PRICKLE1: variants seen among roughly 807,000 people sequenced by gnomAD.
The protein encoded by PRICKLE1 is prickle-like protein 1.
Under a neutral mutation model 70.2 loss-of-function variants are expected in PRICKLE1, and 14 were observed. That is an observed-to-expected ratio of 0.20 (90% CI 0.13 to 0.31). The LOEUF (loss-of-function observed/expected upper bound fraction) is 0.31, where lower values mean the gene tolerates loss of function less well. Among genes scored for constraint, PRICKLE1 ranks in the 10% least tolerant of loss-of-function variants. PRICKLE1 has a pLI of 1.00. For synonymous variants in PRICKLE1, 357 were observed against 379.9 expected (o/e 0.94, Z 0.70); for missense variants, 821 against 1,026.2 (o/e 0.80, Z 2.73).
rs550482887 is a variant in PRICKLE1, at chr12:42,525,910, T to C, written c.-48-53346A>G. ...TGTTGAAATAGATGTCATATGTCATTATGATCAATGGACCAAAATCCATTG... is the reference window on the plus strand; with the variant it reads ...TGTTGAAATAGATGTCATATGTCATCATGATCAATGGACCAAAATCCATTG... On this transcript the variant is annotated intron_variant, in intron 1 of 7. Transcript: ENST00000345127. 6.8e-4 allele frequency among the ~76,000 whole-genome samples: 103 copies of C among 152,286 alleles called. 2 individuals carry two copies. The highest frequency in any genetic ancestry group is 4.2e-3 in the Admixed American group (64 of 15,302).
chr12:42,557,711 T>C (rs993298279), intron 1 of PRICKLE1, among the ~76,000 whole-genome samples: 2 of 152,250 alleles, frequency 1.3e-5, no homozygotes, highest in Non-Finnish European at 2.9e-5. Context: ...CTGAGGTTTC[T>C]GTGGGAGTCA....
At position 42,459,563 on chromosome 12, in the gene PRICKLE1, C is replaced by G. The variant is rs914697108; in HGVS notation, c.*246G>C. On this transcript the variant is annotated 3_prime_UTR_variant, in exon 8 of 8. Transcript: ENST00000345127. ...GGAAAACCAAAGCAGCTACGTCCAT[C>G]TGTAACGCACCCGCACCGGACAGGC... The G allele has an allele frequency of 6.5e-6, 4 of 620,082 alleles. No individual in the cohort carries two copies. Among genetic ancestry groups the G allele is most frequent in the Non-Finnish European group, 1.1e-5 (4 of 350,072 alleles). The allele number at this position is 620,082 out of a possible 1,614,324, so 38.4% of individuals were successfully genotyped here.
At chr12:42,526,843 T>C (rs1278176868) in intron 1 of PRICKLE1, among the ~76,000 whole-genome samples, 4 of 150,894 alleles carry the variant, frequency 2.7e-5, no homozygotes, top group East Asian at 2.0e-4. Flanking sequence ...ATGACGACGA[T>C]GATGATGATG....
At chr12:42,561,345 TTTTCTGACC>T (rs1376766390) in intron 1 of PRICKLE1, among the ~76,000 whole-genome samples, 1 of 152,188 alleles carries the variant, frequency 6.6e-6, no homozygotes, top group African/African-American at 2.4e-5. Context: ...TCCACATCAC[TTTTCTGACC>T]TTCTTTCTTC....
chr12:42,568,043 C>T (rs1455191182), intron 1 of PRICKLE1, among the ~76,000 whole-genome samples: 1 of 152,100 alleles, frequency 6.6e-6, no homozygotes, highest in Non-Finnish European at 1.5e-5. Context: ...TAAGTACCTA[C>T]CTGGATATGA....
At chr12:42,506,573 T>C (rs1348998891) in intron 1 of PRICKLE1, among the ~76,000 whole-genome samples, 1 of 84,038 alleles carries the variant, frequency 1.2e-5, no homozygotes, top group African/African-American at 7.6e-5. Flanking sequence ...TGTTCTTTTT[T>C]TTTTTTTTTT....
At chr12:42,469,748 CCT>C (rs1938242374) in intron 3 of PRICKLE1, 161 bp from the exon 4 acceptor site, 1 of 829,536 alleles carries the variant, frequency 1.2e-6, no homozygotes, top group Admixed American at 2.4e-5. Context: ...AATTTTACAG[CCT>C]CTCTAGAAAA....
chr12:42,553,936 C>A, intron 1 of PRICKLE1, among the ~76,000 whole-genome samples: 1 of 152,126 alleles, frequency 6.6e-6, no homozygotes. Context: ...AACCCCATCT[C>A]TACTAAAACA....
chr12:42,548,047 T>C (rs555396406), intron 1 of PRICKLE1, among the ~76,000 whole-genome samples: 145 of 152,254 alleles, frequency 9.5e-4, no homozygotes, highest in Admixed American at 1.8e-3. Context: ...AAATTTTGTT[T>C]GTTTGTTTTG....
rs116623601 is a variant in PRICKLE1, at chr12:42,506,872, T to C, written c.-48-34308A>G. ...AGGTGTGAGCCACCGCACCTGGCCA[T>C]GTTCTTTTGGCATAGCTTGTGGTAC... On this transcript the variant is annotated intron_variant, in intron 1 of 7. Transcript: ENST00000345127. Among the ~76,000 whole-genome samples, 428 of 152,168 alleles carry C rather than the reference T, an allele frequency of 2.8e-3. 4 individuals carry two copies. Among genetic ancestry groups the C allele is most frequent in the African/African-American group, 9.1e-3 (376 of 41,540 alleles).
chr12:42,518,938 G>A (rs1939659465), intron 1 of PRICKLE1, among the ~76,000 whole-genome samples: 1 of 152,052 alleles, frequency 6.6e-6, no homozygotes, highest in Non-Finnish European at 1.5e-5. Context: ...CAGTTTATTG[G>A]AGGAAGTAAA....
chr12:42,511,543 C>T (rs1354427176), intron 1 of PRICKLE1, among the ~76,000 whole-genome samples: 1 of 152,130 alleles, frequency 6.6e-6, no homozygotes, highest in East Asian at 1.9e-4. Context: ...ATCCATTGGC[C>T]TTGTTTGTTT....
rs17091327 is a variant in PRICKLE1, at chr12:42,510,998, T to C, written c.-48-38434A>G. Among the ~76,000 whole-genome samples, 852 of 152,318 alleles carry C rather than the reference T, an allele frequency of 5.6e-3. 9 individuals are homozygous for C. The highest frequency in any genetic ancestry group is 0.019 in the African/African-American group (804 of 41,562). On this transcript the variant is annotated intron_variant, in intron 1 of 7. Transcript: ENST00000345127. ...AACAAAAGGACTCCTCCAACTGGCATGACAATGGTACAATCACCAGACACT... is the reference window on the plus strand; with the variant it reads ...AACAAAAGGACTCCTCCAACTGGCACGACAATGGTACAATCACCAGACACT...
chr12:42,468,030 A>G (rs2140111566), intron 5 of PRICKLE1, among the ~76,000 whole-genome samples: 1 of 152,302 alleles, frequency 6.6e-6, no homozygotes, highest in Admixed American at 6.5e-5. Context: ...TACATATATT[A>G]TGGTTATGTA....
intron 1 of PRICKLE1, among the ~76,000 whole-genome samples, chr12:42,504,983 T>C (rs911700166): frequency 5.3e-5 from 8 of 151,886 alleles, no homozygotes; most frequent in African/African-American, 1.9e-4. Context: ...CTACTAAAAA[T>C]ACAAAAATTA....
chr12:42,560,917 A>T (rs1940503360), intron 1 of PRICKLE1, among the ~76,000 whole-genome samples: 1 of 152,176 alleles, frequency 6.6e-6, no homozygotes, highest in South Asian at 2.1e-4. Context: ...CCTATCCTCA[A>T]AAAGAACAAA....
At chr12:42,582,758 G>C (rs1387873081) in intron 1 of PRICKLE1, among the ~76,000 whole-genome samples, 2 of 152,192 alleles carry the variant, frequency 1.3e-5, no homozygotes, top group African/African-American at 2.4e-5. Context: ...TTTGAATGTG[G>C]TCCAACACAG....
In PRICKLE1 at chr12:42,582,349, T is replaced by A. The variant is rs575970458; in HGVS notation, c.-49+7116A>T. 4.8e-4 allele frequency among the ~76,000 whole-genome samples: 73 copies of A among 152,344 alleles called. 1 individual carries two copies. Among genetic ancestry groups the A allele is most frequent in the African/African-American group, 1.8e-3 (73 of 41,578 alleles). ...AAGAACTGGGGCAACTCAATGAAAT[T>A]ATTCATATGATCCTTGCAGTGAACA... On this transcript the variant is annotated intron_variant, in intron 1 of 7. Coordinates refer to ENST00000345127, the MANE Select transcript of PRICKLE1 (RefSeq NM_153026.3).
rs1941030679 is a variant in PRICKLE1, at chr12:42,589,003, C to T, written c.-49+462G>A. Among the ~76,000 whole-genome samples the T allele has an allele frequency of 1.3e-5, 2 of 152,064 alleles. No homozygotes were observed. Among genetic ancestry groups the T allele is most frequent in the Non-Finnish European group, 2.9e-5 (2 of 68,016 alleles). ...AGTGGTGGGAGTTGATTCGCCTCTG[C>T]CAAAAAGCCACCAGCCCCTTTCCCC... On this transcript the variant is annotated intron_variant, in intron 1 of 7. Transcript: ENST00000345127. This position sits in a 1 kb window ranked among gnomAD's most constrained non-coding sequence, Gnocchi z 5.0.
Sources: allele counts gnomAD v4.1 joint callset (sites outside exome capture counted in the v4.1 genomes callset), GRCh38; gene constraint gnomAD v4.1.1; non-coding constraint Gnocchi (gnomAD v3.1); transcripts MANE v1.5; gene names NCBI Gene and HGNC (gene_info 2026-07-23, HGNC 2026-07-21).